Variants in NAV2 observed in about 807,000 individuals in gnomAD.
NAV2 encodes the protein helicase, APC down-regulated 1.
NAV2 carries 54 observed loss-of-function variants against 223.2 expected under a neutral mutation model. The ratio of observed to expected loss-of-function variants is 0.24; its 90% CI spans 0.19 to 0.30. NAV2 has a LOEUF of 0.30. NAV2 is among the 10% of genes least tolerant of loss of function. The pLI, the probability that NAV2 is intolerant of heterozygous loss-of-function variation, is 1.00. For missense variants in NAV2, 2,806 were observed against 3,147.5 expected (o/e 0.89, Z 2.60); for synonymous variants, 1,279 against 1,239.3 (o/e 1.03, Z -0.67).
intron 1 of NAV2, among the ~76,000 whole-genome samples, chr11:19,460,772 G>T (rs2133857998): frequency 6.6e-6 from 1 of 152,120 alleles, no homozygotes; most frequent in South Asian, 2.1e-4. Flanking sequence ...ATGTATCTTA[G>T]AACTTAAAGT....
chr11:19,886,302 G>A (rs190932822), intron 5 of NAV2, among the ~76,000 whole-genome samples: 52 of 152,178 alleles, frequency 3.4e-4, no homozygotes, highest in Non-Finnish European at 6.9e-4. Flanking sequence ...TTTCTGAAGT[G>A]CTTACACTTG....
chr11:19,977,198 C>A (rs1446028829), intron 10 of NAV2, among the ~76,000 whole-genome samples: 1 of 152,204 alleles, frequency 6.6e-6, no homozygotes, highest in Non-Finnish European at 1.5e-5. Context: ...AAGAATTGCC[C>A]ACTAAGTCAT....
chr11:19,435,365 T>C (rs1298566817), intron 1 of NAV2, among the ~76,000 whole-genome samples: 1 of 152,188 alleles, frequency 6.6e-6, no homozygotes, highest in African/African-American at 2.4e-5. Flanking sequence ...CTTGGCATAA[T>C]GTCCTCTAGG....
chr11:19,408,412 A>C (rs1409618221), intron 1 of NAV2, among the ~76,000 whole-genome samples: 3 of 152,362 alleles, frequency 2.0e-5, no homozygotes, highest in Middle Eastern at 3.4e-3. Flanking sequence ...CAGTCACTCC[A>C]GATAATTTTT....
intron 8 of NAV2, among the ~76,000 whole-genome samples, chr11:19,945,211 C>A (rs1282922727): frequency 8.7e-6 from 1 of 115,122 alleles, no homozygotes; most frequent in Non-Finnish European, 1.7e-5. Context: ...CCTTTCTTTC[C>A]TTTCCTTCCT....
At position 20,010,268 on chromosome 11, in the gene NAV2, A is replaced by C. The variant is rs564796531; in HGVS notation, c.2769-25691A>C. On this transcript the variant is annotated intron_variant, in intron 11 of 37. Transcript: ENST00000349880. ...AGATGGCTTCTGTGATCTCATAAGA[A>C]GGACTGGGGGGAAAATGGAATTGGT... 1.2e-4 allele frequency among the ~76,000 whole-genome samples: 18 copies of C among 151,174 alleles called. No homozygotes were observed. In the South Asian group the frequency reaches 3.8e-3, roughly 32 times the overall value.
At chr11:19,463,053 T>G (rs955969040) in intron 1 of NAV2, among the ~76,000 whole-genome samples, 1 of 152,252 alleles carries the variant, frequency 6.6e-6, no homozygotes, top group Non-Finnish European at 1.5e-5. Context: ...CTGGGTCAAA[T>G]CCTGTGTCCA....
Position 19,722,643 on chromosome 11 carries a change from A to C in NAV2, c.267+8681A>C, listed in dbSNP as rs544090133. Among the ~76,000 whole-genome samples, 3 of 152,302 alleles carry C rather than the reference A, an allele frequency of 2.0e-5. No individual in the cohort carries two copies. The East Asian group carries it at 5.8e-4, about 29-fold the overall frequency. ...CCTGCTGGCACAGGATCTATACATAATAAGTTTTTAGTTAATATTTGCAGA... is the reference window on the plus strand; with the variant it reads ...CCTGCTGGCACAGGATCTATACATACTAAGTTTTTAGTTAATATTTGCAGA... On this transcript the variant is annotated intron_variant, in intron 1 of 37. Transcript: ENST00000349880.
At chr11:19,624,393 C>T (rs2047101012) in intron 1 of NAV2, among the ~76,000 whole-genome samples, 1 of 152,136 alleles carries the variant, frequency 6.6e-6, no homozygotes, top group South Asian at 2.1e-4. Context: ...GGCAGGCCTC[C>T]TCGAGCTGCT....
At chr11:19,981,273 T>C (rs1485181223) in intron 10 of NAV2, 2 of 152,232 alleles carry the variant, frequency 1.3e-5, no homozygotes, top group East Asian at 3.8e-4. Flanking sequence ...TCTCAGAGGC[T>C]TTCCCGCTTT....
intron 1 of NAV2, among the ~76,000 whole-genome samples, chr11:19,610,987 C>T (rs897609640): frequency 3.9e-5 from 6 of 152,302 alleles, no homozygotes; most frequent in African/African-American, 1.4e-4. Flanking sequence ...TTTCATGCTG[C>T]TGATAAAGAC....
intron 1 of NAV2, among the ~76,000 whole-genome samples, chr11:19,741,502 T>C (rs867109631): frequency 0.22 from 31,577 of 144,768 alleles, 4,331 homozygotes; most frequent in Middle Eastern, 0.38. Context: ...TCTTTCTTTT[T>C]TTTTTTTTTT....
intron 1 of NAV2, among the ~76,000 whole-genome samples, chr11:19,766,298 G>A (rs1363986103): frequency 6.6e-6 from 1 of 152,044 alleles, no homozygotes; most frequent in African/African-American, 2.4e-5. Flanking sequence ...TGGGGTGGCT[G>A]TGGACTGTGA....
intron 1 of NAV2, chr11:19,778,229 G>GT: frequency 2.4e-6 from 1 of 412,682 alleles, no homozygotes; most frequent in South Asian, 1.7e-5. Context: ...TTTGTGAATT[G>GT]TTTTTTTATC....
intron 1 of NAV2, among the ~76,000 whole-genome samples, chr11:19,817,721 G>A (rs1049822949): frequency 1.3e-5 from 2 of 152,172 alleles, no homozygotes; most frequent in Non-Finnish European, 2.9e-5. Flanking sequence ...GGGAAAACTT[G>A]AGCTCATGCT....
intron 12 of NAV2, among the ~76,000 whole-genome samples, chr11:20,039,743 G>T (rs2056739419): frequency 6.6e-6 from 1 of 152,242 alleles, no homozygotes; most frequent in South Asian, 2.1e-4. Context: ...CACACATCAA[G>T]ATTTCCTCTC....
intron 27 of NAV2, 148 bp downstream of exon 27, chr11:20,091,166 C>T (rs781063840): frequency 5.3e-5 from 39 of 729,834 alleles, no homozygotes; most frequent in Admixed American, 2.3e-4. Context: ...CCCTCCCACA[C>T]ATTGCTCAAA....
At chr11:19,450,516 T>C (rs1008939906) in intron 1 of NAV2, among the ~76,000 whole-genome samples, 2 of 152,198 alleles carry the variant, frequency 1.3e-5, no homozygotes, top group African/African-American at 2.4e-5. Context: ...GGCAAAAAAC[T>C]TTCCAAATCC....
At chr11:19,917,917 A>G (rs1343946010) in intron 6 of NAV2, among the ~76,000 whole-genome samples, 1 of 152,242 alleles carries the variant, frequency 6.6e-6, no homozygotes. Context: ...GCACCTGGCC[A>G]GGTTTGTTAC....
Sources: gnomAD v4.1 joint callset for allele counts (sites outside exome capture counted in the v4.1 genomes callset) on GRCh38, gnomAD v4.1.1 for gene constraint, MANE v1.5 for transcripts, NCBI Gene and HGNC (gene_info 2026-07-23, HGNC 2026-07-21) for gene names.